The following KHDRBS2 variants were observed in gnomAD, a reference collection of about 807,000 sequenced individuals.
KHDRBS2 encodes the protein KH RNA binding domain containing, signal transduction associated 2.
KHDRBS2 carries 26 observed loss-of-function variants against 44.3 expected under a neutral mutation model. The observed-to-expected ratio is 0.59, with a 90% confidence interval of 0.43 to 0.81. The LOEUF (loss-of-function observed/expected upper bound fraction) is 0.81, where lower values mean the gene tolerates loss of function less well. Among genes scored for constraint, KHDRBS2 ranks in the 40% least tolerant of loss-of-function variants. KHDRBS2 has a pLI of 0.00. For synonymous variants in KHDRBS2, 194 were observed against 151.1 expected, an observed-to-expected ratio of 1.28 and a Z score of -2.08; for missense variants, 476 against 433.1, an observed-to-expected ratio of 1.10 and a Z score of -0.88.
chr6:61,917,197 T>C (rs1235693961), intron 4 of KHDRBS2, among the ~76,000 whole-genome samples: 6 of 151,838 alleles, frequency 4.0e-5, no homozygotes, highest in Non-Finnish European at 7.4e-5. Context: ...GCAACCAAGA[T>C]GTCCTTCAGT....
At chr6:61,844,865 T>C (rs1330049181) in intron 6 of KHDRBS2, among the ~76,000 whole-genome samples, 1 of 152,206 alleles carries the variant, frequency 6.6e-6, no homozygotes, top group East Asian at 1.9e-4. Context: ...ATTTCCTGAA[T>C]TTTGTAATAC....
chr6:62,037,312 T>C (rs754640510), intron 3 of KHDRBS2, among the ~76,000 whole-genome samples: 8 of 151,912 alleles, frequency 5.3e-5, no homozygotes, highest in Non-Finnish European at 1.0e-4. Flanking sequence ...GACTGTGGTC[T>C]TAAAGGACTC....
In KHDRBS2 at chr6:61,736,900, T is replaced by G. The variant is rs1232774907; in HGVS notation, c.811-4136A>C. On this transcript the variant is annotated intron_variant, in intron 6 of 8. Coordinates refer to ENST00000281156, the MANE Select transcript of KHDRBS2 (RefSeq NM_152688.4). ...ATACTATATTTCTTTTTCTATAATT[T>G]TCTCTCTTTTTAGAATTTAAGTTTC... Among the ~76,000 whole-genome samples the G allele has an allele frequency of 2.6e-5, 4 of 152,124 alleles. No individual in the cohort carries two copies. In the East Asian group the frequency reaches 7.7e-4, roughly 29 times the overall value.
intron 2 of KHDRBS2, among the ~76,000 whole-genome samples, chr6:62,101,046 C>G (rs1801764555): frequency 6.6e-6 from 1 of 152,086 alleles, no homozygotes; most frequent in Non-Finnish European, 1.5e-5. Flanking sequence ...ATTTTAAACT[C>G]TTTTTTACAG....
At chr6:62,130,422 G>C (rs1166131021) in intron 2 of KHDRBS2, among the ~76,000 whole-genome samples, 1 of 152,068 alleles carries the variant, frequency 6.6e-6, no homozygotes. Context: ...TTAAATTCTT[G>C]ATTCATTAGT....
chr6:61,595,952 G>A, the KHDRBS2 span, among the ~76,000 whole-genome samples: 2 of 152,008 alleles, frequency 1.3e-5, no homozygotes, highest in African/African-American at 4.8e-5. Context: ...TAGTCATCTT[G>A]GGTTTCAAGT....
At chr6:61,545,637 T>A in the KHDRBS2 span, among the ~76,000 whole-genome samples, 6 of 151,920 alleles carry the variant, frequency 3.9e-5, no homozygotes, top group Non-Finnish European at 8.8e-5. Flanking sequence ...AAAAGCAAGG[T>A]ATGTGATAAA....
chr6:62,185,394 T>G (rs1353282260), intron 1 of KHDRBS2, among the ~76,000 whole-genome samples: 1 of 151,960 alleles, frequency 6.6e-6, no homozygotes, highest in Non-Finnish European at 1.5e-5. Context: ...TCCTAAGTCA[T>G]GGATCTCCCA....
chr6:61,986,360 G>T (rs1318752999), intron 3 of KHDRBS2, among the ~76,000 whole-genome samples: 3 of 152,030 alleles, frequency 2.0e-5, no homozygotes, highest in African/African-American at 7.2e-5. Context: ...TGTTTATTCT[G>T]TACATTAAAT....
rs927132742 is a variant in KHDRBS2 at position 61,775,476 on chromosome 6, C to G, written c.811-42712G>C. Among the ~76,000 whole-genome samples the G allele has an allele frequency of 5.3e-5, 8 of 152,264 alleles. No individual in the cohort carries two copies. In the South Asian group the frequency reaches 1.0e-3, roughly 20 times the overall value. On this transcript the variant is annotated intron_variant, in intron 6 of 8. Coordinates refer to ENST00000281156, the MANE Select transcript of KHDRBS2 (RefSeq NM_152688.4). ...TACAAAAATCAATGTACAAAAATCACAAGCATTCTTATACAGCAATAACAG... is the reference window on the plus strand; with the variant it reads ...TACAAAAATCAATGTACAAAAATCAGAAGCATTCTTATACAGCAATAACAG...
At chr6:61,760,624 C>A (rs1479275813) in intron 6 of KHDRBS2, among the ~76,000 whole-genome samples, 4 of 151,150 alleles carry the variant, frequency 2.6e-5, no homozygotes, top group African/African-American at 7.3e-5. Context: ...AGAGTGAGAA[C>A]CTGTCTCAAG....
intron 6 of KHDRBS2, among the ~76,000 whole-genome samples, chr6:61,768,029 T>C (rs1780261981): frequency 6.6e-6 from 1 of 152,186 alleles, no homozygotes; most frequent in South Asian, 2.1e-4. Context: ...ATTGAAGAAC[T>C]TCCTTTAGCA....
intron 2 of KHDRBS2, among the ~76,000 whole-genome samples, chr6:62,125,947 G>A (rs543600833): frequency 8.5e-5 from 13 of 152,082 alleles, no homozygotes; most frequent in African/African-American, 2.9e-4. Flanking sequence ...AGGGATTCCC[G>A]CTTGAGTAAA....
intron 6 of KHDRBS2, among the ~76,000 whole-genome samples, chr6:61,848,483 A>ATATATATATG (rs1794771852): frequency 2.0e-5 from 1 of 49,628 alleles, no homozygotes; most frequent in Non-Finnish European, 3.4e-5. Flanking sequence ...ATATATATAT[A>ATATATATATG]TATATATGTA....
chr6:61,761,230 T>C (rs1324700222), intron 6 of KHDRBS2, among the ~76,000 whole-genome samples: 1 of 152,210 alleles, frequency 6.6e-6, no homozygotes. Flanking sequence ...GGAAAGGTGT[T>C]GTCAGTCATA....
At chr6:61,716,302 C>A (rs1392087576) in intron 7 of KHDRBS2, among the ~76,000 whole-genome samples, 1 of 151,948 alleles carries the variant, frequency 6.6e-6, no homozygotes, top group Non-Finnish European at 1.5e-5. Flanking sequence ...GATTTCACAT[C>A]CCAGCCATTG....
At chr6:61,933,512 A>C (rs958359168) in intron 4 of KHDRBS2, among the ~76,000 whole-genome samples, 3 of 152,176 alleles carry the variant, frequency 2.0e-5, no homozygotes, top group Admixed American at 2.0e-4. Context: ...CATTCTGAGA[A>C]CTATGCCATT....
chr6:61,777,756 C>G (rs535587089), intron 6 of KHDRBS2, among the ~76,000 whole-genome samples: 46 of 152,038 alleles, frequency 3.0e-4, no homozygotes, highest in Non-Finnish European at 5.7e-4. Flanking sequence ...TTCAAAAATT[C>G]CAGCACTCTT....
At chr6:61,854,716 T>G (rs1795916388) in intron 6 of KHDRBS2, among the ~76,000 whole-genome samples, 2 of 152,284 alleles carry the variant, frequency 1.3e-5, no homozygotes, top group Admixed American at 1.3e-4. Context: ...AGATTGCTTT[T>G]GAAGATGAAA....
Sources: allele counts gnomAD v4.1 joint callset (sites outside exome capture counted in the v4.1 genomes callset), GRCh38; gene constraint gnomAD v4.1.1; transcripts MANE v1.5; gene names NCBI Gene and HGNC (gene_info 2026-07-23, HGNC 2026-07-21).